The following MYLK variants were observed in gnomAD, a reference collection of about 807,000 sequenced individuals.
MYLK encodes myosin light chain kinase, smooth muscle.
Under a neutral mutation model 203.4 loss-of-function variants are expected in MYLK, and 106 were observed. That is an observed-to-expected ratio of 0.52 (90% CI 0.45 to 0.61). MYLK has a LOEUF of 0.61. MYLK is among the 20% of genes least tolerant of loss of function. MYLK has a pLI of 0.00. For missense variants in MYLK, 2,072 were observed against 2,442.3 expected, an observed-to-expected ratio of 0.85 and a Z score of 3.20; for synonymous variants, 867 against 959.5, an observed-to-expected ratio of 0.90 and a Z score of 1.78.
chr3:123,668,472 A>G (rs1351814450), intron 20 of MYLK, among the ~76,000 whole-genome samples: 3 of 136,764 alleles, frequency 2.2e-5, no homozygotes, highest in Non-Finnish European at 3.1e-5. Context: ...AACTATAGGA[A>G]TGGAGAACAG....
intron 3 of MYLK, chr3:123,813,961 C>T (rs2065652447): frequency 6.5e-6 from 1 of 154,514 alleles, no homozygotes; most frequent in African/African-American, 2.4e-5. Flanking sequence ...TCTTTGAATA[C>T]TCATGCTGGG....
At chr3:123,732,849 T>A in intron 11 of MYLK, 47 bp downstream of exon 11, 1 of 1,578,630 alleles carries the variant, frequency 6.3e-7, no homozygotes, top group Non-Finnish European at 8.7e-7. Context: ...ACCCCATGAA[T>A]GGTTGTCCCA....
At chr3:123,647,114 T>G (rs1047450525) in intron 27 of MYLK, 110 bp downstream of exon 27, 12 of 971,090 alleles carry the variant, frequency 1.2e-5, no homozygotes, top group African/African-American at 3.2e-5. Flanking sequence ...ATCACACTCC[T>G]GTCTGCAGTG....
chr3:123,784,376 C>CTTTTTTTTTTTTTTTTTTTTT (rs576849217), intron 4 of MYLK, among the ~76,000 whole-genome samples: 1 of 78,662 alleles, frequency 1.3e-5, no homozygotes. Context: ...GGTTGACTTT[C>CTTTTTTTTTTTTTTTTTTTTT]TTTTTTTTTT....
chr3:123,739,187 A>T (rs1238607008), intron 6 of MYLK, 125 bp from the exon 7 acceptor site: 1 of 1,112,880 alleles, frequency 9.0e-7, no homozygotes, highest in African/African-American at 1.5e-5. Flanking sequence ...TCCCAATTTT[A>T]TGCCTCAGAA....
At chr3:123,769,105 A>G (rs2063794482) in intron 4 of MYLK, among the ~76,000 whole-genome samples, 1 of 152,016 alleles carries the variant, frequency 6.6e-6, no homozygotes, top group South Asian at 2.1e-4. Context: ...ATCTGAGACA[A>G]CTAATCACCA....
intron 4 of MYLK, among the ~76,000 whole-genome samples, chr3:123,775,890 C>T (rs1576932365): frequency 6.6e-6 from 1 of 152,314 alleles, no homozygotes; most frequent in South Asian, 2.1e-4. Flanking sequence ...TTCTTAATCA[C>T]CTACTGTGTG....
rs761839096 is a variant in MYLK at position 123,700,927 on chromosome 3, C to T, written c.2541G>A (p.Gly847=). ...GADGGGSDRY[G]SLRPGWPARG... ...TTGCTGGCCAGCCAGGCCTCAGGGACCCATAGCGGTCACTACCACCACCAT... is the reference window on the plus strand; with the variant it reads ...TTGCTGGCCAGCCAGGCCTCAGGGATCCATAGCGGTCACTACCACCACCAT... Residue 847 remains glycine, a synonymous_variant, in exon 18 of 34, where the codon GGG becomes GGA. Coordinates refer to ENST00000360304, the MANE Select transcript of MYLK (RefSeq NM_053025.4). The T allele has an allele frequency of 6.2e-7, 1 of 1,611,682 alleles. No individual in the cohort carries two copies. Among genetic ancestry groups the T allele is most frequent in the South Asian group, 1.1e-5 (1 of 91,062 alleles).
At chr3:123,785,055 T>C (rs1436585495) in intron 4 of MYLK, among the ~76,000 whole-genome samples, 2 of 152,266 alleles carry the variant, frequency 1.3e-5, no homozygotes, top group East Asian at 1.9e-4. Flanking sequence ...ACTTCTGCCC[T>C]ACATCCACTC....
At chr3:123,811,718 T>C (rs1024221349) in intron 3 of MYLK, among the ~76,000 whole-genome samples, 4 of 152,172 alleles carry the variant, frequency 2.6e-5, no homozygotes, top group Non-Finnish European at 5.9e-5. Context: ...GTATGTTGTT[T>C]ATCATCCCTG....
At chr3:123,812,000 C>T (rs983329916) in intron 3 of MYLK, among the ~76,000 whole-genome samples, 4 of 152,168 alleles carry the variant, frequency 2.6e-5, no homozygotes, top group Admixed American at 6.5e-5. Context: ...TTATCATTAA[C>T]GCTCAATATA....
intron 19 of MYLK, among the ~76,000 whole-genome samples, chr3:123,686,974 C>T (rs1020953569): frequency 6.6e-6 from 1 of 152,160 alleles, no homozygotes; most frequent in Non-Finnish European, 1.5e-5. Context: ...GTAATCCCAG[C>T]ACTTTGGGAG....
At chr3:123,849,772 C>A (rs1341544323) in intron 2 of MYLK, among the ~76,000 whole-genome samples, 1 of 151,336 alleles carries the variant, frequency 6.6e-6, no homozygotes, top group Non-Finnish European at 1.5e-5. Flanking sequence ...ACTTTAAGTT[C>A]TAGGGTACAT....
intron 1 of MYLK, among the ~76,000 whole-genome samples, chr3:123,883,697 G>A (rs1057499367): frequency 1.3e-5 from 2 of 152,218 alleles, no homozygotes; most frequent in Non-Finnish European, 2.9e-5. Context: ...AGCGAGGTAA[G>A]GAGCTTAAAT....
chr3:123,853,362 T>C (rs956424412), intron 2 of MYLK, among the ~76,000 whole-genome samples: 4 of 152,016 alleles, frequency 2.6e-5, no homozygotes, highest in Non-Finnish European at 5.9e-5. Context: ...GGAAAGGCTT[T>C]TTAAGGGGGA....
Position 123,741,253 on chromosome 3 carries a change from T to G in MYLK, c.374-1252A>C, listed in dbSNP as rs147008229. Among the ~76,000 whole-genome samples, 3 of 152,306 alleles carry G rather than the reference T, an allele frequency of 2.0e-5. No homozygotes were observed. The East Asian group carries it at 5.8e-4, about 29-fold the overall frequency. ...AGGAGAAAAATCATGGCTATTTTCA[T>G]CAGCCACACCCGGTTTAAGATTCCA... On this transcript the variant is annotated intron_variant, in intron 5 of 33. Transcript: ENST00000360304.
At chr3:123,660,529 T>C (rs2059530705) in intron 23 of MYLK, among the ~76,000 whole-genome samples, 1 of 152,196 alleles carries the variant, frequency 6.6e-6, no homozygotes, top group Admixed American at 6.5e-5. Flanking sequence ...GCTCTGAGCA[T>C]TGCAAATTCC....
At chr3:123,779,781 G>C (rs767734770) in intron 4 of MYLK, among the ~76,000 whole-genome samples, 13 of 152,174 alleles carry the variant, frequency 8.5e-5, no homozygotes, top group Non-Finnish European at 1.8e-4. Flanking sequence ...TTCAGCAGAG[G>C]CAGGGGACAG....
chr3:123,619,921 G>A (rs2107884001), intron 32 of MYLK, among the ~76,000 whole-genome samples: 1 of 152,184 alleles, frequency 6.6e-6, no homozygotes, highest in South Asian at 2.1e-4. Context: ...TACAATCTTT[G>A]TTAATTTTAA....
Sources: allele counts gnomAD v4.1 joint callset (sites outside exome capture counted in the v4.1 genomes callset), GRCh38; gene constraint gnomAD v4.1.1; transcripts MANE v1.5; gene names NCBI Gene and HGNC (gene_info 2026-07-23, HGNC 2026-07-21).